The following ZDHHC23 variants were observed in gnomAD, a reference collection of about 807,000 sequenced individuals.
ZDHHC23 encodes palmitoyltransferase ZDHHC23.
A neutral mutation model predicts 40.2 loss-of-function variants in ZDHHC23; 41 were observed. The observed-to-expected ratio is 1.02, with a 90% CI of 0.79 to 1.32. The LOEUF is 1.32. Ranked by LOEUF, ZDHHC23 falls within the 40% of genes most tolerant of loss-of-function variation. The pLI is 0.00. For missense variants in ZDHHC23, 471 were observed against 541.5 expected (o/e 0.87, Z 1.29); for synonymous variants, 204 against 210.2 (o/e 0.97, Z 0.26).
At chr3:113,974,104 C>T in the ZDHHC23 span, among the ~76,000 whole-genome samples, 1 of 151,778 alleles carries the variant, frequency 6.6e-6, no homozygotes, top group Non-Finnish European at 1.5e-5. Flanking sequence ...AAATATATTT[C>T]TCAGTTCCAA....
chr3:113,967,777 C>T (rs181004490), downstream of ZDHHC23, among the ~76,000 whole-genome samples: 3 of 152,274 alleles, frequency 2.0e-5, no homozygotes, highest in East Asian at 5.8e-4. Context: ...ATCAACCTCT[C>T]TTCATCCACC....
At chr3:113,965,377 G>A (rs1559860873), downstream of ZDHHC23, 2 of 1,490,422 alleles carry the variant, frequency 1.3e-6, no homozygotes, top group Non-Finnish European at 9.0e-7. Flanking sequence ...AATAAAGAAG[G>A]AAAAAAGTGA....
At chr3:113,964,391 G>C (rs1425467802), downstream of ZDHHC23, 1 of 152,126 alleles carries the variant, frequency 6.6e-6, no homozygotes, top group Non-Finnish European at 1.5e-5. Context: ...AACATTCTTT[G>C]AATTCAAGAT....
At chr3:113,968,779 T>G (rs1940494853), downstream of ZDHHC23, among the ~76,000 whole-genome samples, 1 of 150,846 alleles carries the variant, frequency 6.6e-6, no homozygotes, top group Admixed American at 6.6e-5. Context: ...TTAAATTGGA[T>G]TTTTTTTTGC....
At chr3:113,975,374 A>AT in the ZDHHC23 span, among the ~76,000 whole-genome samples, 10 of 152,224 alleles carry the variant, frequency 6.6e-5, no homozygotes, top group African/African-American at 2.4e-4. Flanking sequence ...GTATTATTTC[A>AT]TTCATATAAA....
chr3:113,960,754 A>G lies in ZDHHC23; in HGVS notation c.*2124A>G, dbSNP rs774541291. On this transcript the variant is annotated 3_prime_UTR_variant, in exon 5 of 5. Coordinates refer to ENST00000638807, the MANE Select transcript of ZDHHC23 (RefSeq NM_001320466.2). ...GATGAGCCAACTCCGCTTCCTTCCC[A>G]TGGATAGGAAGGGACTCTGTGTATT... The G allele has an allele frequency of 2.1e-5, 33 of 1,561,282 alleles. No individual in the cohort carries two copies. In the Admixed American group the frequency reaches 3.3e-4, roughly 15 times the overall value.
At chr3:113,957,848 C>A (rs776724553) in intron 4 of ZDHHC23, 1 of 518,138 alleles carries the variant, frequency 1.9e-6, no homozygotes, top group East Asian at 5.5e-5. Context: ...GTTCCTACAT[C>A]CAGGTAAGCA....
downstream of ZDHHC23, chr3:113,965,069 G>T (rs1430830611): frequency 7.5e-6 from 5 of 667,520 alleles, no homozygotes; most frequent in Non-Finnish European, 9.8e-6. Context: ...TAAACCAGGT[G>T]TATGTATGTA....
At chr3:113,949,677 G>A (rs920974724) in intron 2 of ZDHHC23, among the ~76,000 whole-genome samples, 4 of 152,214 alleles carry the variant, frequency 2.6e-5, no homozygotes, top group Admixed American at 2.6e-4. Context: ...GTCAATGGAA[G>A]TCATAATGTG....
At chr3:113,955,389 T>C (rs77747389) in intron 3 of ZDHHC23, among the ~76,000 whole-genome samples, 18,464 of 140,200 alleles carry the variant, frequency 0.13, 1,365 homozygotes, top group East Asian at 0.27. Flanking sequence ...TGTGTGTGTG[T>C]GTGCGTGTGT....
chr3:113,960,157 T>G lies in ZDHHC23; in HGVS notation c.*1527T>G. 1 of 990,860 alleles carries G rather than the reference T, an allele frequency of 1.0e-6. No individual in the cohort carries two copies. The highest frequency in any genetic ancestry group is 4.6e-5 in the South Asian group (1 of 21,874). The allele number at this position is 990,860 out of a possible 1,614,324, so 61.4% of individuals were successfully genotyped here. On this transcript the variant is annotated 3_prime_UTR_variant, in exon 5 of 5. Transcript: ENST00000638807. ...GCTTTAAGCAAGAGATTTATATTTG[T>G]TGAGAGGAAATATTGCTACTTCCTG... is the stretch of plus-strand genomic sequence containing the variant.
At chr3:113,965,297 C>A, downstream of ZDHHC23, 1 of 1,611,582 alleles carries the variant, frequency 6.2e-7, no homozygotes, top group Non-Finnish European at 8.5e-7. Context: ...TTCTTTTACT[C>A]TTTCCTCTTT....
Position 113,959,266 on chromosome 3 carries a change from A to T in ZDHHC23, c.*636A>T. 1 of 1,086,092 alleles carries T rather than the reference A, an allele frequency of 9.2e-7. No homozygotes were observed. The highest frequency in any genetic ancestry group is 1.1e-6 in the Non-Finnish European group (1 of 881,844). The allele number at this position is 1,086,092 out of a possible 1,614,324, so 67.3% of individuals were successfully genotyped here. On this transcript the variant is annotated 3_prime_UTR_variant, in exon 5 of 5. Coordinates refer to ENST00000638807, the MANE Select transcript of ZDHHC23 (RefSeq NM_001320466.2). ...TCAGCATATACCTTGTTGTACAGTT[A>T]TGAGAATTTCTCCTTCTTATTAGAC...
At chr3:113,978,183 C>G in the ZDHHC23 span, 8 of 1,613,820 alleles carry the variant, frequency 5.0e-6, no homozygotes, top group Non-Finnish European at 5.9e-6. Context: ...ATCAAAACCT[C>G]ACCTGTCACT....
At chr3:113,970,978 T>C in the ZDHHC23 span, among the ~76,000 whole-genome samples, 1 of 152,210 alleles carries the variant, frequency 6.6e-6, no homozygotes, top group Non-Finnish European at 1.5e-5. Flanking sequence ...TGTTGGACAT[T>C]TGGGTTGGTT....
intron 2 of ZDHHC23, among the ~76,000 whole-genome samples, chr3:113,953,303 T>C (rs1011386238): frequency 1.3e-5 from 2 of 152,360 alleles, no homozygotes; most frequent in South Asian, 2.1e-4. Context: ...GCACTCCTTA[T>C]AATGTTTGAT....
chr3:113,959,558 G>C lies in ZDHHC23; in HGVS notation c.*928G>C, dbSNP rs1444367624. On this transcript the variant is annotated 3_prime_UTR_variant, in exon 5 of 5. Transcript: ENST00000638807. ...CACACTTGTGACTGTGGCTGGAAGA[G>C]GAGAACAGACACTCCTGTGGGGATG... 7.9e-7 allele frequency: 1 copy of C among 1,265,986 alleles called. No individual in the cohort carries two copies. The highest frequency in any genetic ancestry group is 1.0e-6 in the Non-Finnish European group (1 of 970,554). The allele number at this position is 1,265,986 out of a possible 1,614,324, so 78.4% of individuals were successfully genotyped here.
In ZDHHC23 at chr3:113,959,383, T is replaced by C; in HGVS notation, c.*753T>C. On this transcript the variant is annotated 3_prime_UTR_variant, in exon 5 of 5. Coordinates refer to ENST00000638807, the MANE Select transcript of ZDHHC23 (RefSeq NM_001320466.2). ...AGTTGACAACAGTTATAAAGATAAT[T>C]ATTGCTAGTGTAATGTAGTGTGGCC... 1 of 1,140,814 alleles carries C rather than the reference T, an allele frequency of 8.8e-7. No homozygotes were observed. The highest frequency in any genetic ancestry group is 1.1e-6 in the Non-Finnish European group (1 of 903,384). The allele number at this position is 1,140,814 out of a possible 1,614,324, so 70.7% of individuals were successfully genotyped here. A position where few individuals can be genotyped will look rare whatever the true frequency, so the allele number is the denominator to read the frequency against.
intron 2 of ZDHHC23, among the ~76,000 whole-genome samples, chr3:113,952,364 TC>T (rs1938756809): frequency 6.6e-6 from 1 of 152,198 alleles, no homozygotes; most frequent in Non-Finnish European, 1.5e-5. Context: ...GTTTGTCACT[TC>T]CATCTGAGAT....
Sources: allele counts gnomAD v4.1 joint callset (sites outside exome capture counted in the v4.1 genomes callset), GRCh38; gene constraint gnomAD v4.1.1; transcripts MANE v1.5; gene names NCBI Gene and HGNC (gene_info 2026-07-23, HGNC 2026-07-21).